DMPK: variants seen among roughly 807,000 people sequenced by gnomAD.
The protein encoded by DMPK is DM1 protein kinase, also known as myotonin-protein kinase.
DMPK carries 32 observed loss-of-function variants against 70.3 expected under a neutral mutation model. That is an observed-to-expected ratio of 0.46 (90% confidence interval 0.34 to 0.61). The LOEUF is 0.61. Among genes scored for constraint, DMPK ranks in the 20% least tolerant of loss-of-function variants. The pLI, the probability that DMPK is intolerant of heterozygous loss-of-function variation, is 0.01. For missense variants in DMPK, 899 were observed against 886.0 expected (o/e 1.01, Z -0.19); for synonymous variants, 469 against 390.9 (o/e 1.20, Z -2.36).
At chr19:45,780,197 A>C in intron 1 of DMPK, 1 of 1,462,236 alleles carries the variant, frequency 6.8e-7, no homozygotes, top group Non-Finnish European at 9.0e-7. Flanking sequence ...GAAGGAAATA[A>C]GACCCAGTTC....
In DMPK at chr19:45,780,279, G is replaced by C. The variant is rs547176945; in HGVS notation, c.161-410C>G. ...GGCCCCACCCCCACGTTCTCATGTA[G>C]AATGTCCTGGGTAACGGCCCAGACG... On this transcript the variant is annotated intron_variant, in intron 1 of 14. Coordinates refer to ENST00000291270, the MANE Select transcript of DMPK (RefSeq NM_004409.5). The C allele has an allele frequency of 9.8e-6, 15 of 1,530,574 alleles. No homozygotes were observed. In the East Asian group the frequency reaches 3.2e-4, roughly 33 times the overall value. 94.8% of individuals were successfully genotyped at this position (1,530,574 alleles called of 1,614,324 possible).
At position 45,779,843 on chromosome 19, in the gene DMPK, CCTT is replaced by C; in HGVS notation, c.184_186del (p.Lys62del). 1 of 1,610,878 alleles carries C rather than the reference CCTT, an allele frequency of 6.2e-7. No homozygotes were observed. The highest frequency in any genetic ancestry group is 1.3e-5 in the African/African-American group (1 of 75,012). ...AAGTCGTCCCTCTGCAGTCGGACCT[CCTT>C]AAGCCTCACCACGATGGGCTCCGCT... On this transcript the variant is annotated inframe_deletion, in exon 2 of 15. Transcript: ENST00000291270.
intron 1 of DMPK, chr19:45,780,238 G>C (rs999688676): frequency 3.1e-5 from 46 of 1,487,190 alleles, no homozygotes; most frequent in Non-Finnish European, 3.6e-5. Flanking sequence ...CCAGGTGACA[G>C]TTCAGGTGCA....
intron 9 of DMPK, among the ~76,000 whole-genome samples, chr19:45,772,998 A>G (rs1192590306): frequency 6.6e-6 from 1 of 152,160 alleles, no homozygotes; most frequent in Admixed American, 6.5e-5. Flanking sequence ...TTCTGCAGGG[A>G]CTTGGGGTCC....
Position 45,771,353 on chromosome 19 carries a change from G to A in DMPK, c.1644C>T (p.Ser548=). The change falls in exon 13 of 15, where the codon TCC becomes TCT. Residue 548 remains serine, a synonymous_variant. Coordinates refer to ENST00000291270, the MANE Select transcript of DMPK (RefSeq NM_004409.5). ...AGGGGAAAGAGAGGGGTCTTACATG[G>A]GAAGGTGGATCCGTGGCCCGGGGAC... ...VPSPRATDPP[S]HLDGPPAVAV... The A allele has an allele frequency of 6.3e-7, 1 of 1,597,978 alleles. No individual in the cohort carries two copies. Among genetic ancestry groups the A allele is most frequent in the East Asian group, 2.2e-5 (1 of 44,810 alleles).
At position 45,770,997 on chromosome 19, in the gene DMPK, G is replaced by A; in HGVS notation, c.1711C>T (p.Arg571Cys). The change falls in exon 14 of 15, where the codon CGC becomes TGC. Residue 571 changes from arginine to cysteine, a missense_variant. Physicochemically the swap from Arg to Cys is radical, Grantham distance 180. Coordinates refer to ENST00000291270, the MANE Select transcript of DMPK (RefSeq NM_004409.5). ...CPLVGPGPMH[R>C]RHLLLPARVP... is the part of the protein sequence containing the mutation. ...CTGGCAGGGAGCAGCAGGTGGCGGCGGTGCATGGGGCCTGGCCCCACCAGC... is the reference window on the plus strand; with the variant it reads ...CTGGCAGGGAGCAGCAGGTGGCGGCAGTGCATGGGGCCTGGCCCCACCAGC... 7.0e-7 allele frequency: 1 copy of A among 1,438,624 alleles called. No individual in the cohort carries two copies. The highest frequency in any genetic ancestry group is 9.1e-7 in the Non-Finnish European group (1 of 1,099,692). 89.1% of individuals were successfully genotyped at this position (1,438,624 alleles called of 1,614,324 possible).
intron 6 of DMPK, 112 bp downstream of exon 6, chr19:45,778,015 C>A: frequency 8.1e-7 from 1 of 1,227,574 alleles, no homozygotes; most frequent in Non-Finnish European, 1.2e-6. Flanking sequence ...CACACTTAAG[C>A]CTGGGTCACA....
In DMPK at chr19:45,781,550, G is replaced by T. The variant is rs149441245; in HGVS notation, c.160+643C>A. ...TTTGGGGCTGGGGGTGGGGGTGGGT[G>T]CAGAACCTACAAAAGAAGGAGACAC... is the stretch of plus-strand genomic sequence containing the variant. On this transcript the variant is annotated intron_variant, in intron 1 of 14. Coordinates refer to ENST00000291270, the MANE Select transcript of DMPK (RefSeq NM_004409.5). 2.9e-3 allele frequency among the ~76,000 whole-genome samples: 438 copies of T among 152,270 alleles called. 1 individual carries two copies. The highest frequency in any genetic ancestry group is 9.8e-3 in the African/African-American group (409 of 41,564).
chr19:45,777,446 C>T lies in DMPK; in HGVS notation c.1027G>A (p.Asp343Asn), dbSNP rs781005180. The T allele has an allele frequency of 2.3e-5, 37 of 1,613,502 alleles. No homozygotes were observed. The highest frequency in any genetic ancestry group is 3.3e-5 in the South Asian group (3 of 91,082). The part of the protein sequence containing the change: ...FRTHPFFFGL[D>N]WDGLRDSVPP... ...ACGCTGTCCCGGAGACCATCCCAGT[C>T]GAGGCCAAAGAAGAAGGGATGTGTC... is the stretch of plus-strand genomic sequence containing the variant. Residue 343 changes from aspartate to asparagine, a missense_variant, in exon 8 of 15, where the codon GAC (aspartate) becomes AAC (asparagine). Asp to Asn is a conservative substitution (Grantham distance 23, BLOSUM62 1). Transcript: ENST00000291270. This position sits in a 1 kb window ranked among gnomAD's most constrained non-coding sequence, Gnocchi z 6.7.
rs183886672 is a variant in DMPK, at chr19:45,775,336, T to G, written c.1147-302A>C. The G allele has an allele frequency of 1.8e-4, 48 of 269,166 alleles. 1 individual carries two copies. Among genetic ancestry groups the G allele is most frequent in the Non-Finnish European group, 2.7e-4 (38 of 139,806 alleles). 16.7% of individuals were successfully genotyped at this position (269,166 alleles called of 1,614,324 possible). A position where few individuals can be genotyped will look rare whatever the true frequency, so the allele number is the denominator to read the frequency against. On this transcript the variant is annotated intron_variant, in intron 8 of 14. Transcript: ENST00000291270. Reference sequence around the variant, plus strand: ...GCGCCCTCTACCACGCCTGGCTAATTTTTTATATTTTTGGTAGAGACGGGG... The same window carrying G: ...GCGCCCTCTACCACGCCTGGCTAATGTTTTATATTTTTGGTAGAGACGGGG...
rs141319926 is a variant in DMPK, at chr19:45,777,691, G to A, written c.858C>T (p.Thr286=). 36 of 1,614,034 alleles carry A rather than the reference G, an allele frequency of 2.2e-5. No individual in the cohort carries two copies. The African/African-American group carries it at 4.5e-4, about 20-fold the overall frequency. ...TPFYADSTAE[T]YGKIVHYKEH... is the part of the protein sequence containing the mutation. ...CCTTGTAGTGGACGATCTTGCCATA[G>A]GTCTCCGCCGTGGAATCCGCGTAGA... is the stretch of plus-strand genomic sequence containing the variant. The change falls in exon 7 of 15, where the codon ACC becomes ACT. Residue 286 remains threonine, a synonymous_variant. Transcript: ENST00000291270. The surrounding 1 kb of genome is among the most constrained non-coding windows in gnomAD (Gnocchi z 6.7).
chr19:45,773,400 A>T (rs1401043979), intron 9 of DMPK, among the ~76,000 whole-genome samples: 2 of 152,210 alleles, frequency 1.3e-5, no homozygotes, highest in Non-Finnish European at 2.9e-5. Flanking sequence ...TTCATTAATG[A>T]TAAGGTATAG....
At chr19:45,773,157 G>A (rs182192093) in intron 9 of DMPK, among the ~76,000 whole-genome samples, 1 of 152,280 alleles carries the variant, frequency 6.6e-6, no homozygotes, top group East Asian at 1.9e-4. Flanking sequence ...CCTAAGACTG[G>A]GCATGGGACC....
At chr19:45,778,410 G>C in intron 5 of DMPK, 83 bp downstream of exon 5, 1 of 1,545,224 alleles carries the variant, frequency 6.5e-7, no homozygotes, top group South Asian at 1.2e-5. Flanking sequence ...TCCCTCTCCA[G>C]GCCCTGGCCT....
intron 1 of DMPK, 136 bp downstream of exon 1, chr19:45,782,057 C>CT (rs1302510621): frequency 1.8e-5 from 15 of 830,274 alleles, no homozygotes; most frequent in African/African-American, 3.5e-5. Flanking sequence ...GGTCCACACT[C>CT]TGAGCCCCAG....
intron 9 of DMPK, among the ~76,000 whole-genome samples, chr19:45,773,420 T>G (rs577466943): frequency 6.6e-6 from 1 of 152,292 alleles, no homozygotes; most frequent in African/African-American, 2.4e-5. Context: ...GTATGTGTAA[T>G]GTTGTCCAGT....
intron 5 of DMPK, 67 bp downstream of exon 5, chr19:45,778,426 G>A (rs1969904846): frequency 1.9e-6 from 3 of 1,579,246 alleles, no homozygotes; most frequent in African/African-American, 2.7e-5. Flanking sequence ...GGCCTCTCTG[G>A]GCTCTGACCT....
rs781529966 is a variant in DMPK, at chr19:45,770,650, G to A, written c.1738-10C>T. On this transcript the variant is annotated splice_polypyrimidine_tract_variant and intron_variant, in intron 14 of 14. Coordinates refer to ENST00000291270, the MANE Select transcript of DMPK (RefSeq NM_004409.5). ...GGCCAGGCCTAGGGACCTGCGGGGA[G>A]AGGGCGAGGTCAACACCCGGCATGG... is the stretch of plus-strand genomic sequence containing the variant. The A allele has an allele frequency of 2.6e-6, 4 of 1,550,276 alleles. No homozygotes were observed. The highest frequency in any genetic ancestry group is 2.4e-5 in the South Asian group (2 of 84,036).
In DMPK at chr19:45,769,914, G is replaced by A. The variant is rs1257103333; in HGVS notation, c.*574C>T. The stretch of plus-strand genomic sequence containing the variant: ...CCAAACCGCCGAAGCGGGCGGAGCC[G>A]GCTGGGGCTCCGAGAGCAGCGCAAG... On this transcript the variant is annotated 3_prime_UTR_variant, in exon 15 of 15. Transcript: ENST00000291270. 3.5e-5 allele frequency: 10 copies of A among 282,454 alleles called. No individual in the cohort carries two copies. The highest frequency in any genetic ancestry group is 6.2e-5 in the Non-Finnish European group (9 of 145,222). 17.5% of individuals were successfully genotyped at this position (282,454 alleles called of 1,614,324 possible). A position where few individuals can be genotyped will look rare whatever the true frequency, so the allele number is the denominator to read the frequency against.
Sources: allele counts gnomAD v4.1 joint callset (sites outside exome capture counted in the v4.1 genomes callset), GRCh38; gene constraint gnomAD v4.1.1; non-coding constraint Gnocchi (gnomAD v3.1); transcripts MANE v1.5; gene names NCBI Gene and HGNC (gene_info 2026-07-23, HGNC 2026-07-21).